The following FBXW11 variants were observed in gnomAD, a reference collection of about 807,000 sequenced individuals.
FBXW11 encodes F-box/WD repeat-containing protein 11.
FBXW11 carries 19 observed loss-of-function variants against 77.6 expected under a neutral mutation model. The ratio of observed to expected loss-of-function variants is 0.24; its 90% CI spans 0.17 to 0.36. The LOEUF (loss-of-function observed/expected upper bound fraction) is 0.36. FBXW11 is among the 10% of genes least tolerant of loss of function. The pLI is 1.00. For missense variants in FBXW11, 334 were observed against 704.2 expected (o/e 0.47, Z 5.95); for synonymous variants, 235 against 249.4 (o/e 0.94, Z 0.54).
chr5:171,885,352 T>C (rs543495360), intron 7 of FBXW11, among the ~76,000 whole-genome samples: 66 of 152,320 alleles, frequency 4.3e-4, no homozygotes, highest in Non-Finnish European at 7.1e-4. Flanking sequence ...CCTCAGTTTA[T>C]ATTTCTCAGA....
intron 7 of FBXW11, among the ~76,000 whole-genome samples, chr5:171,880,521 G>T (rs1306823406): frequency 6.6e-6 from 1 of 152,140 alleles, no homozygotes; most frequent in African/African-American, 2.4e-5. Context: ...AATTTGGGAA[G>T]AAATGACTGA....
chr5:172,001,404 C>G lies in FBXW11; in HGVS notation c.45+5054G>C, dbSNP rs116726793. ...TTTAGAAAAGAGGATAGTTAAGACACAGGCAAAAGGCAATAATGTCTGAAA... is the reference window on the plus strand; with the variant it reads ...TTTAGAAAAGAGGATAGTTAAGACAGAGGCAAAAGGCAATAATGTCTGAAA... On this transcript the variant is annotated intron_variant, in intron 1 of 13. Coordinates refer to ENST00000517395, the MANE Select transcript of FBXW11 (RefSeq NM_001378974.1). Among the ~76,000 whole-genome samples the G allele has an allele frequency of 7.5e-3, 1,137 of 152,288 alleles. 21 individuals carry two copies. The highest frequency in any genetic ancestry group is 0.026 in the African/African-American group (1,097 of 41,574).
At chr5:171,954,148 C>T (rs1309400472) in intron 2 of FBXW11, among the ~76,000 whole-genome samples, 1 of 152,206 alleles carries the variant, frequency 6.6e-6, no homozygotes. Context: ...CATCATGCTG[C>T]TGTGTTGGCT....
At position 171,869,750 on chromosome 5, in the gene FBXW11, T is replaced by G. The variant is rs772078839; in HGVS notation, c.1509A>C (p.Thr503=). 26 of 1,611,224 alleles carry G rather than the reference T, an allele frequency of 1.6e-5. No individual in the cohort carries two copies. The highest frequency in any genetic ancestry group is 2.0e-5 in the Non-Finnish European group (24 of 1,178,596). The change falls in exon 12 of 14, where the codon ACA becomes ACC. Residue 503 remains threonine, a synonymous_variant. Coordinates refer to ENST00000517395, the MANE Select transcript of FBXW11 (RefSeq NM_001378974.1). The surrounding 1 kb of genome is among the most constrained non-coding windows in gnomAD (Gnocchi z 4.1). ...AALDPRAPAS[T]LCLRTLVEHS... ...ATACCACCAATGTGCGCAAACACAA[T>G]GTGCTTGCTGGGGCTCGAGGGTCAA...
intron 2 of FBXW11, among the ~76,000 whole-genome samples, chr5:171,933,921 G>A (rs968786134): frequency 2.0e-5 from 3 of 152,114 alleles, no homozygotes; most frequent in African/African-American, 7.2e-5. Context: ...GGGAGTAAGG[G>A]AAGGAGGGAA....
chr5:171,883,182 G>A (rs1057210239), intron 7 of FBXW11, among the ~76,000 whole-genome samples: 3 of 152,076 alleles, frequency 2.0e-5, no homozygotes, highest in Non-Finnish European at 2.9e-5. Flanking sequence ...TTATCCACTC[G>A]TTGAGTGATG....
intron 1 of FBXW11, among the ~76,000 whole-genome samples, chr5:171,967,190 C>T (rs1764235967): frequency 6.6e-6 from 1 of 152,204 alleles, no homozygotes; most frequent in Admixed American, 6.5e-5. Context: ...ACTTGAAACT[C>T]ATGCACATCA....
At chr5:171,984,706 A>G (rs1765341164) in intron 1 of FBXW11, among the ~76,000 whole-genome samples, 1 of 152,242 alleles carries the variant, frequency 6.6e-6, no homozygotes, top group African/African-American at 2.4e-5. Flanking sequence ...AAGCTCCTTA[A>G]AAATAAGTAT....
intron 1 of FBXW11, among the ~76,000 whole-genome samples, chr5:171,998,741 G>C (rs1339618389): frequency 6.8e-6 from 1 of 147,730 alleles, no homozygotes; most frequent in Non-Finnish European, 1.5e-5. Flanking sequence ...AGGCTGCAGT[G>C]AGCTGAGATC....
chr5:171,963,610 G>A (rs1764025482), intron 1 of FBXW11, among the ~76,000 whole-genome samples: 1 of 152,186 alleles, frequency 6.6e-6, no homozygotes, highest in Admixed American at 6.5e-5. Flanking sequence ...CTGCAACTCA[G>A]CAGATACACA....
intron 4 of FBXW11, among the ~76,000 whole-genome samples, chr5:171,905,674 G>C (rs967639109): frequency 6.9e-6 from 1 of 145,466 alleles, no homozygotes; most frequent in African/African-American, 2.5e-5. Flanking sequence ...TCTCTATTCA[G>C]GTACCTTAGA....
intron 7 of FBXW11, among the ~76,000 whole-genome samples, chr5:171,884,594 T>C (rs1243445202): frequency 1.3e-5 from 2 of 152,210 alleles, no homozygotes; most frequent in Non-Finnish European, 2.9e-5. Flanking sequence ...AAAGGAATGG[T>C]TATGTCCTTT....
intron 2 of FBXW11, among the ~76,000 whole-genome samples, chr5:171,955,589 A>C (rs1229211872): frequency 1.3e-5 from 2 of 152,182 alleles, no homozygotes; most frequent in African/African-American, 4.8e-5. Context: ...CAGAGGAAGG[A>C]AGTCTTCCAG....
Position 171,861,645 on chromosome 5 carries a change from C to T in FBXW11, c.*2482G>A, listed in dbSNP as rs1267685193. ...CAGATTAGGTGCACTGCATAATACC[C>T]ATACTCGATTTATTGACATTACTTA... On this transcript the variant is annotated 3_prime_UTR_variant, in exon 14 of 14. Coordinates refer to ENST00000517395, the MANE Select transcript of FBXW11 (RefSeq NM_001378974.1). 1 of 152,616 alleles carries T rather than the reference C, an allele frequency of 6.6e-6. No individual in the cohort carries two copies. The highest frequency in any genetic ancestry group is 1.5e-5 in the Non-Finnish European group (1 of 68,046). 9.5% of individuals were successfully genotyped at this position (152,616 alleles called of 1,614,324 possible). A position where few individuals can be genotyped will look rare whatever the true frequency, so the allele number is the denominator to read the frequency against.
At chr5:171,875,895 T>A (rs1758049426) in intron 9 of FBXW11, among the ~76,000 whole-genome samples, 1 of 152,226 alleles carries the variant, frequency 6.6e-6, no homozygotes, top group Non-Finnish European at 1.5e-5. Flanking sequence ...CTAGCTGTGA[T>A]GATCACCAAC....
At chr5:172,002,696 C>CTTTTTTTTTT (rs34300477) in intron 1 of FBXW11, among the ~76,000 whole-genome samples, 8 of 97,054 alleles carry the variant, frequency 8.2e-5, no homozygotes, top group Non-Finnish European at 1.4e-4. Context: ...TTTTTCTTTT[C>CTTTTTTTTTT]TTTTTTTTTT....
intron 7 of FBXW11, among the ~76,000 whole-genome samples, chr5:171,885,514 G>GA (rs1758821117): frequency 6.6e-6 from 1 of 152,140 alleles, no homozygotes. Flanking sequence ...CTTCTCCTGT[G>GA]ACCTCACTTC....
chr5:171,959,295 G>A (rs1265845000), intron 1 of FBXW11, among the ~76,000 whole-genome samples: 1 of 151,946 alleles, frequency 6.6e-6, no homozygotes, highest in Non-Finnish European at 1.5e-5. Flanking sequence ...ACTTTGCAGA[G>A]TACCAACCAC....
At chr5:171,899,774 T>C (rs1759991763) in intron 5 of FBXW11, 140 bp downstream of exon 5, 2 of 706,406 alleles carry the variant, frequency 2.8e-6, no homozygotes, top group African/African-American at 3.6e-5. Flanking sequence ...TAACTTTTTC[T>C]TCCAACTTTT....
Sources: gnomAD v4.1 joint callset for allele counts (sites outside exome capture counted in the v4.1 genomes callset) on GRCh38, gnomAD v4.1.1 for gene constraint, Gnocchi (gnomAD v3.1) non-coding constraint, MANE v1.5 for transcripts, NCBI Gene and HGNC (gene_info 2026-07-23, HGNC 2026-07-21) for gene names.